The following NBPF11 variants were observed in gnomAD, a reference collection of about 807,000 sequenced individuals.
NBPF11 encodes the protein NBPF family member NBPF11.
A neutral mutation model predicts 93.9 loss-of-function variants in NBPF11; 72 were observed. The observed-to-expected ratio is 0.77, with a 90% CI of 0.63 to 0.93. NBPF11 has a LOEUF of 0.93. Among genes scored for constraint, NBPF11 ranks in the 40% least tolerant of loss-of-function variants. The probability of loss-of-function intolerance (pLI) is 0.00; values close to 1 mark genes in which losing one functional copy is unlikely to be tolerated. For synonymous variants in NBPF11, 224 were observed against 304.9 expected (o/e 0.73, Z 2.76); for missense variants, 705 against 802.2 (o/e 0.88, Z 1.46).
At chr1:148,144,003 G>T (rs1285852214) in intron 1 of NBPF11, among the ~76,000 whole-genome samples, 12 of 151,276 alleles carry the variant, frequency 7.9e-5, no homozygotes, top group African/African-American at 2.5e-4. Context: ...AGGTTAGTGA[G>T]CTATGATGGC....
intron 20 of NBPF11, 132 bp downstream of exon 20, chr1:148,106,810 C>T (rs1329736852): frequency 2.2e-5 from 16 of 724,730 alleles, no homozygotes; most frequent in African/African-American, 9.3e-5. Context: ...TTCATTACAA[C>T]CTATATGCAC....
intron 22 of NBPF11, 149 bp from the exon 23 acceptor site, chr1:148,104,794 T>A: frequency 1.8e-6 from 1 of 554,542 alleles, no homozygotes; most frequent in Non-Finnish European, 3.2e-6. Flanking sequence ...GCCTGAAGGC[T>A]GGTCGTGATA....
intron 16 of NBPF11, 139 bp from the exon 17 acceptor site, chr1:148,109,474 T>C: frequency 2.7e-6 from 2 of 736,868 alleles, no homozygotes; most frequent in Non-Finnish European, 4.8e-6. Flanking sequence ...AATATTCCAG[T>C]AGGCCTGAGG....
intron 1 of NBPF11, chr1:148,146,718 T>C (rs1266563539): frequency 4.0e-5 from 64 of 1,611,918 alleles, no homozygotes; most frequent in Non-Finnish European, 5.1e-5. Context: ...GCTGCGTGCC[T>C]GGTGCCAGGT....
chr1:148,118,401 T>C (rs1403118939), intron 11 of NBPF11, among the ~76,000 whole-genome samples: 2 of 151,444 alleles, frequency 1.3e-5, no homozygotes, highest in Non-Finnish European at 2.9e-5. Context: ...CAATTACTTG[T>C]TTGAAAAAGA....
At position 148,108,497 on chromosome 1, in the gene NBPF11, C is replaced by G; in HGVS notation, c.2011G>C (p.Ala671Pro). 1 of 1,584,338 alleles carries G rather than the reference C, an allele frequency of 6.3e-7. No homozygotes were observed. Among genetic ancestry groups the G allele is most frequent in the Non-Finnish European group, 8.6e-7 (1 of 1,156,404 alleles). The change falls in exon 18 of 24, where the codon GCT becomes CCT. Residue 671 changes from alanine to proline, a missense_variant. Coordinates refer to ENST00000682118, the MANE Select transcript of NBPF11 (RefSeq NM_001385469.3). ...AGGTACTCACCATCCATGTCAACAG[C>G]CAAGCCAATACGCTGTTGCTCCAAT... ...YVLEQQRIGLAVDMDEIEKYQ... is the reference protein window; with the variant it reads ...YVLEQQRIGLPVDMDEIEKYQ...
In NBPF11 at chr1:148,103,843, C is replaced by A. The variant is rs1360681317; in HGVS notation, c.*53G>T. On this transcript the variant is annotated 3_prime_UTR_variant, in exon 24 of 24. Coordinates refer to ENST00000682118, the MANE Select transcript of NBPF11 (RefSeq NM_001385469.3). ...GTAGTTCAAAGTACATTGATGGAGTCGAATAATATCTATCCAGTGAGTCCT... is the reference window on the plus strand; with the variant it reads ...GTAGTTCAAAGTACATTGATGGAGTAGAATAATATCTATCCAGTGAGTCCT... 3 of 1,611,188 alleles carry A rather than the reference C, an allele frequency of 1.9e-6. No individual in the cohort carries two copies. In the African/African-American group the frequency reaches 4.0e-5, roughly 22 times the overall value.
chr1:148,114,175 G>C (rs1665931420), intron 15 of NBPF11, among the ~76,000 whole-genome samples: 1 of 145,788 alleles, frequency 6.9e-6, no homozygotes, highest in African/African-American at 2.5e-5. Context: ...TGAATCCAGG[G>C]CTGGTTTTTT....
chr1:148,146,276 G>C (rs1300609828), intron 1 of NBPF11: 4 of 1,288,092 alleles, frequency 3.1e-6, no homozygotes, highest in South Asian at 3.6e-5. Flanking sequence ...GCGGTAGCTG[G>C]GGGGGCGCTC....
In NBPF11 at chr1:148,148,665, G is replaced by A. The variant is rs1156637576; in HGVS notation, c.-549+3085C>T. On this transcript the variant is annotated intron_variant, in intron 1 of 23. Coordinates refer to ENST00000682118, the MANE Select transcript of NBPF11 (RefSeq NM_001385469.3). Reference sequence around the variant, plus strand: ...TCCAAAATTGGGTGGAGACATTTGGGGACACAGCTGCCTGAATTCCTCATG... The same window carrying A: ...TCCAAAATTGGGTGGAGACATTTGGAGACACAGCTGCCTGAATTCCTCATG... Among the ~76,000 whole-genome samples the A allele has an allele frequency of 3.9e-3, 597 of 152,130 alleles. 20 individuals carry two copies. The highest frequency in any genetic ancestry group is 0.013 in the African/African-American group (531 of 41,388).
intron 3 of NBPF11, among the ~76,000 whole-genome samples, chr1:148,136,228 C>T (rs1299896228): frequency 2.0e-5 from 3 of 151,638 alleles, no homozygotes; most frequent in Admixed American, 6.6e-5. Context: ...AAGCATTTAT[C>T]CAAGAGAAAT....
intron 3 of NBPF11, among the ~76,000 whole-genome samples, chr1:148,136,573 C>A (rs1165259226): frequency 6.6e-6 from 1 of 151,848 alleles, no homozygotes; most frequent in African/African-American, 2.4e-5. Flanking sequence ...AGCCCAGAGG[C>A]AAAGACCCAC....
intron 2 of NBPF11, among the ~76,000 whole-genome samples, chr1:148,140,977 T>C (rs1313067035): frequency 6.6e-6 from 1 of 152,050 alleles, no homozygotes; most frequent in African/African-American, 2.4e-5. Context: ...TCAGGGATTT[T>C]ACAAAACAAG....
chr1:148,149,432 T>C, intron 1 of NBPF11: 1 of 1,582,704 alleles, frequency 6.3e-7, no homozygotes, highest in South Asian at 1.1e-5. Flanking sequence ...GCTGGCGCTC[T>C]ACGAGCGCTG....
At position 148,148,942 on chromosome 1, in the gene NBPF11, C is replaced by T. The variant is rs1374544548; in HGVS notation, c.-549+2808G>A. Among the ~76,000 whole-genome samples the T allele has an allele frequency of 2.1e-3, 312 of 151,174 alleles. 2 individuals are homozygous for T. Among genetic ancestry groups the T allele is most frequent in the Non-Finnish European group, 2.6e-3 (179 of 67,828 alleles). On this transcript the variant is annotated intron_variant, in intron 1 of 23. Coordinates refer to ENST00000682118, the MANE Select transcript of NBPF11 (RefSeq NM_001385469.3). ...GCTAGGAAACGCCAGTGAACGGCAG[C>T]GCAGGGAACGGGGCGGGGCCGCTGG...
Position 148,126,829 on chromosome 1 carries a change from T to A in NBPF11, c.175A>T (p.Lys59Ter), listed in dbSNP as rs1323882329. 9 of 1,585,070 alleles carry A rather than the reference T, an allele frequency of 5.7e-6. No individual in the cohort carries two copies. Among genetic ancestry groups the A allele is most frequent in the East Asian group, 2.2e-5 (1 of 44,748 alleles). The change falls in exon 5 of 24, where the codon AAG becomes TAG. Residue 59 changes from lysine (K) to a stop codon, truncating the protein, a stop_gained and splice_region_variant. Transcript: ENST00000682118. LOFTEE classifies it high-confidence loss of function. ...GFLANRQKKY[K>*]YEECKDLIKF... is the part of the protein sequence containing the mutation. Reference sequence around the variant, plus strand: ...ATGATGGTGAGCCTATAGATCTTACTGTATTTCTTCTGTCGGTTGGCCAGG... The same window carrying A: ...ATGATGGTGAGCCTATAGATCTTACAGTATTTCTTCTGTCGGTTGGCCAGG...
chr1:148,120,422 T>C (rs1373473128), intron 10 of NBPF11, 79 bp downstream of exon 10: 7 of 787,248 alleles, frequency 8.9e-6, no homozygotes, highest in Non-Finnish European at 1.6e-5. Context: ...TTATTTTTGA[T>C]GGAGAGAGCA....
intron 4 of NBPF11, among the ~76,000 whole-genome samples, chr1:148,134,221 G>A (rs1186224187): frequency 1.3e-5 from 2 of 151,438 alleles, no homozygotes; most frequent in Admixed American, 1.3e-4. Flanking sequence ...AGGAACAAAG[G>A]TAAATAATGC....
At chr1:148,127,073 A>G (rs1669291244) in intron 4 of NBPF11, 35 bp from the exon 5 acceptor site, 1 of 519,116 alleles carries the variant, frequency 1.9e-6, no homozygotes, top group Non-Finnish European at 3.3e-6. Context: ...TGATGGGTTA[A>G]AAACTGGTGA....
Sources: gnomAD v4.1 joint callset for allele counts (sites outside exome capture counted in the v4.1 genomes callset) on GRCh38, gnomAD v4.1.1 for gene constraint, MANE v1.5 for transcripts, NCBI Gene and HGNC (gene_info 2026-07-23, HGNC 2026-07-21) for gene names.